The following DST variants were observed in gnomAD, a reference collection of about 807,000 sequenced individuals.
DST encodes bullous pemphigoid antigen.
DST carries 253 observed loss-of-function variants against 875.2 expected under a neutral mutation model. The observed-to-expected ratio is 0.29, with a 90% CI of 0.26 to 0.32. DST has a LOEUF of 0.32. Among genes scored for constraint, DST ranks in the 10% least tolerant of loss-of-function variants. The probability of loss-of-function intolerance (pLI) is 1.00; values close to 1 mark genes in which losing one functional copy is unlikely to be tolerated. For synonymous variants in DST, 3,124 were observed against 3,197.1 expected, an observed-to-expected ratio of 0.98 and a Z score of 0.77; for missense variants, 8,287 against 9,111.6, an observed-to-expected ratio of 0.91 and a Z score of 3.68.
chr6:56,465,233 G>A (rs1371213184), intron 99 of DST, among the ~76,000 whole-genome samples: 1 of 152,126 alleles, frequency 6.6e-6, no homozygotes, highest in Non-Finnish European at 1.5e-5. Context: ...AAAACCAAGA[G>A]GCCCTACAGG....
At chr6:56,697,932 G>T (rs961474862) in intron 9 of DST, among the ~76,000 whole-genome samples, 11 of 152,264 alleles carry the variant, frequency 7.2e-5, no homozygotes, top group Non-Finnish European at 1.2e-4. Context: ...CTGATAACAA[G>T]GTCTGGTTCT....
At position 56,643,703 on chromosome 6, in the gene DST, C is replaced by T. The variant is rs79721930; in HGVS notation, c.1779-1200G>A. Reference sequence around the variant, plus strand: ...TTTCCTACCTCCAATAATACTGTTACTTCTCCACTCTAAGAATAGATATTT... The same window carrying T: ...TTTCCTACCTCCAATAATACTGTTATTTCTCCACTCTAAGAATAGATATTT... On this transcript the variant is annotated intron_variant, in intron 15 of 103. Coordinates refer to ENST00000680361, the MANE Select transcript of DST (RefSeq NM_001374736.1). 3.3e-4 allele frequency among the ~76,000 whole-genome samples: 50 copies of T among 152,318 alleles called. No homozygotes were observed. The East Asian group carries it at 7.5e-3, about 23-fold the overall frequency.
At chr6:56,622,913 T>C (rs2098703444) in intron 36 of DST, among the ~76,000 whole-genome samples, 1 of 152,220 alleles carries the variant, frequency 6.6e-6, no homozygotes, top group African/African-American at 2.4e-5. Flanking sequence ...TTATGTTTAT[T>C]ATGGAAAATT....
intron 4 of DST, among the ~76,000 whole-genome samples, chr6:56,784,213 T>C (rs1253794866): frequency 1.3e-5 from 2 of 152,204 alleles, no homozygotes; most frequent in African/African-American, 2.4e-5. Flanking sequence ...TTGGAGTTAC[T>C]CCTCTCAAGG....
At chr6:56,722,368 G>GTTATTTATTTATTTATTTATTTA (rs1554672068) in intron 5 of DST, among the ~76,000 whole-genome samples, 5 of 150,596 alleles carry the variant, frequency 3.3e-5, no homozygotes, top group African/African-American at 1.2e-4. Flanking sequence ...GTACATGTTT[G>GTTATTTATTTATTTATTTATTTA]TTTATTTATT....
Position 56,504,229 on chromosome 6 carries a change from T to G in DST, c.19465-131A>C, listed in dbSNP as rs2096240594. On this transcript the variant is annotated intron_variant, in intron 77 of 103. Transcript: ENST00000680361. ...AGAATTAGACTATTTTATAAAAAAT[T>G]AACATGGTTCACCTAAATTAGTAAA... is the stretch of plus-strand genomic sequence containing the variant. The G allele has an allele frequency of 4.5e-5, 29 of 642,840 alleles. No homozygotes were observed. The South Asian group carries it at 6.5e-4, about 14-fold the overall frequency. The allele number at this position is 642,840 out of a possible 1,614,324, so 39.8% of individuals were successfully genotyped here.
At chr6:56,839,220 A>T (rs769975405) in intron 4 of DST, among the ~76,000 whole-genome samples, 37 of 152,310 alleles carry the variant, frequency 2.4e-4, no homozygotes, top group Non-Finnish European at 4.7e-4. Context: ...GCCACACAGA[A>T]ATAGAGGAGT....
Position 56,600,129 on chromosome 6 carries a change from T to C in DST, c.11634A>G (p.Gln3878=). Residue 3878 remains glutamine, a synonymous_variant, in exon 45 of 104, where the codon CAA becomes CAG. Transcript: ENST00000680361. The stretch of plus-strand genomic sequence containing the variant: ...TGCCATCTCCAATCATGAAGGCTTC[T>C]TGGTGACCAATTAGGCGGTTTTCAG... ...TQTENRLIGH[Q]EAFMIGDGTV... 1.2e-6 allele frequency: 2 copies of C among 1,613,216 alleles called. No individual in the cohort carries two copies. The highest frequency in any genetic ancestry group is 1.7e-6 in the Non-Finnish European group (2 of 1,179,318).
intron 9 of DST, among the ~76,000 whole-genome samples, chr6:56,682,701 T>G (rs2099162664): frequency 6.6e-6 from 1 of 152,242 alleles, no homozygotes; most frequent in Admixed American, 6.5e-5. Context: ...CCAACAGTGC[T>G]GTCACCAGAC....
chr6:56,501,330 A>T (rs369522970), intron 79 of DST, 95 bp from the exon 80 acceptor site: 11 of 1,357,436 alleles, frequency 8.1e-6, no homozygotes, highest in Middle Eastern at 2.0e-4. Flanking sequence ...TTCATGTTGT[A>T]TAAGTCCATA....
intron 3 of DST, among the ~76,000 whole-genome samples, chr6:56,856,820 G>C (rs773716731): frequency 1.3e-5 from 2 of 152,166 alleles, no homozygotes; most frequent in African/African-American, 2.4e-5. Context: ...ATGCAGGAAA[G>C]TGTCCTTATC....
chr6:56,793,781 A>T (rs1179624615), intron 4 of DST, among the ~76,000 whole-genome samples: 2 of 152,350 alleles, frequency 1.3e-5, no homozygotes, highest in Admixed American at 1.3e-4. Flanking sequence ...CTATGTTATC[A>T]ATTCCCTTAA....
chr6:56,764,393 A>T (rs921761729), intron 4 of DST, among the ~76,000 whole-genome samples: 4 of 152,074 alleles, frequency 2.6e-5, no homozygotes, highest in Non-Finnish European at 5.9e-5. Context: ...AATATTCTGC[A>T]ATTTCTGGAG....
chr6:56,768,053 G>T (rs370881357), intron 4 of DST, among the ~76,000 whole-genome samples: 1 of 152,164 alleles, frequency 6.6e-6, no homozygotes, highest in Non-Finnish European at 1.5e-5. Context: ...CCATTTCGAA[G>T]ACCTTCAATT....
intron 36 of DST, chr6:56,618,636 T>C (rs747619906): frequency 3.1e-6 from 5 of 1,614,088 alleles, no homozygotes; most frequent in Non-Finnish European, 2.5e-6. Context: ...AGTTCTTTAA[T>C]GTTTGTTTCA....
intron 17 of DST, among the ~76,000 whole-genome samples, chr6:56,641,471 C>T (rs937124009): frequency 6.6e-6 from 1 of 152,000 alleles, no homozygotes; most frequent in African/African-American, 2.4e-5. Context: ...GCCTGTAATC[C>T]CAGCTACTAG....
At chr6:56,836,576 C>T (rs560402525) in intron 4 of DST, among the ~76,000 whole-genome samples, 8 of 152,156 alleles carry the variant, frequency 5.3e-5, no homozygotes, top group South Asian at 4.1e-4. Flanking sequence ...AGGGGCCGGG[C>T]GCGGTGGCTC....
At position 56,717,086 on chromosome 6, in the gene DST, G is replaced by C. The variant is rs577919214; in HGVS notation, c.688-12717C>G. Among the ~76,000 whole-genome samples the C allele has an allele frequency of 7.5e-4, 114 of 152,270 alleles. 3 individuals carry two copies. The South Asian group carries it at 0.023, about 31-fold the overall frequency. ...TAGTCCCAGCTACTCAGGAGGCTGA[G>C]GCAGAAGAATGGCGTGAACCCGGTA... On this transcript the variant is annotated intron_variant, in intron 5 of 103. Coordinates refer to ENST00000680361, the MANE Select transcript of DST (RefSeq NM_001374736.1).
At chr6:56,907,119 A>T (rs113841072) in intron 2 of DST, among the ~76,000 whole-genome samples, 110 of 152,264 alleles carry the variant, frequency 7.2e-4, no homozygotes, top group African/African-American at 2.5e-3. Context: ...GCAAGTAAAG[A>T]CTGAAAAAAA....
Sources: allele counts gnomAD v4.1 joint callset (sites outside exome capture counted in the v4.1 genomes callset), GRCh38; gene constraint gnomAD v4.1.1; transcripts MANE v1.5; gene names NCBI Gene and HGNC (gene_info 2026-07-23, HGNC 2026-07-21).